Variants in PPM1L observed in about 807,000 individuals in gnomAD.
PPM1L encodes protein phosphatase, Mg2+/Mn2+ dependent 1L, also known as protein phosphatase 1L.
Under a neutral mutation model 31.4 loss-of-function variants are expected in PPM1L, and 13 were observed. The ratio of observed to expected loss-of-function variants is 0.41; its 90% CI spans 0.27 to 0.66. PPM1L has a LOEUF of 0.66. PPM1L is among the 30% of genes least tolerant of loss of function. The pLI, the probability that PPM1L is intolerant of heterozygous loss-of-function variation, is 0.29. For missense variants in PPM1L, 326 were observed against 453.7 expected (o/e 0.72, Z 2.56); for synonymous variants, 184 against 175.4 (o/e 1.05, Z -0.39).
intron 1 of PPM1L, among the ~76,000 whole-genome samples, chr3:160,897,042 C>CTTTTTTTTTTTT (rs11298068): frequency 9.3e-6 from 1 of 107,440 alleles, no homozygotes. Context: ...ACTACTGACT[C>CTTTTTTTTTTTT]TTTTTTTTTT....
intron 1 of PPM1L, among the ~76,000 whole-genome samples, chr3:160,927,466 T>C (rs1167470087): frequency 1.3e-5 from 2 of 152,220 alleles, no homozygotes; most frequent in Non-Finnish European, 2.9e-5. Flanking sequence ...CTTTACTTTA[T>C]AGCTGTGTCT....
chr3:160,822,674 G>T (rs78314031), intron 1 of PPM1L, among the ~76,000 whole-genome samples: 8,779 of 152,100 alleles, frequency 0.058, 279 homozygotes, highest in African/African-American at 0.075. Flanking sequence ...TTTCAATTCT[G>T]AAATATGGTC....
At chr3:160,920,498 T>C (rs1243619783) in intron 1 of PPM1L, among the ~76,000 whole-genome samples, 4 of 151,730 alleles carry the variant, frequency 2.6e-5, no homozygotes, top group African/African-American at 7.3e-5. Flanking sequence ...TTTTTAGGAG[T>C]GCGGTGTATG....
intron 2 of PPM1L, among the ~76,000 whole-genome samples, chr3:160,975,085 A>G (rs1203098383): frequency 2.0e-5 from 3 of 151,912 alleles, no homozygotes; most frequent in African/African-American, 7.2e-5. Flanking sequence ...TCAGCTTTCT[A>G]CGTATGGCTA....
chr3:160,839,486 T>G (rs1196456024), intron 1 of PPM1L, among the ~76,000 whole-genome samples: 3 of 152,158 alleles, frequency 2.0e-5, no homozygotes, highest in Admixed American at 2.0e-4. Context: ...TAAAACAAGG[T>G]CATCATTATT....
intron 1 of PPM1L, among the ~76,000 whole-genome samples, chr3:160,871,973 A>T (rs1444848751): frequency 6.6e-6 from 1 of 152,090 alleles, no homozygotes; most frequent in African/African-American, 2.4e-5. Context: ...TCCAGCAGTC[A>T]TTGAACACTA....
intron 2 of PPM1L, among the ~76,000 whole-genome samples, chr3:161,025,315 G>T (rs1718347262): frequency 6.6e-6 from 1 of 152,070 alleles, no homozygotes; most frequent in Non-Finnish European, 1.5e-5. Context: ...TATAATCCCA[G>T]CTACTCAGAG....
At chr3:160,838,860 T>C (rs1028717018) in intron 1 of PPM1L, among the ~76,000 whole-genome samples, 5 of 152,210 alleles carry the variant, frequency 3.3e-5, no homozygotes, top group African/African-American at 1.2e-4. Flanking sequence ...GGACTTATGC[T>C]ATGGCTTGAA....
intron 1 of PPM1L, among the ~76,000 whole-genome samples, chr3:160,942,137 G>A (rs1488260248): frequency 6.6e-6 from 1 of 152,202 alleles, no homozygotes; most frequent in African/African-American, 2.4e-5. Context: ...ACCAAAACAT[G>A]TAGAAGTTTA....
At chr3:160,818,419 C>G (rs1428106232) in intron 1 of PPM1L, among the ~76,000 whole-genome samples, 1 of 152,058 alleles carries the variant, frequency 6.6e-6, no homozygotes, top group African/African-American at 2.4e-5. Flanking sequence ...ACTGGAATGC[C>G]TTGGATCTGA....
intron 1 of PPM1L, among the ~76,000 whole-genome samples, chr3:160,774,377 CAG>C (rs1711509298): frequency 6.6e-6 from 1 of 152,212 alleles, no homozygotes; most frequent in African/African-American, 2.4e-5. Flanking sequence ...AGGATTGTGA[CAG>C]TGGCCTCCTC....
intron 2 of PPM1L, among the ~76,000 whole-genome samples, chr3:161,026,570 C>T (rs184176442): frequency 2.6e-5 from 4 of 152,132 alleles, no homozygotes; most frequent in Admixed American, 2.0e-4. Context: ...GTGGTGGGCG[C>T]CTGTAATCCC....
intron 1 of PPM1L, among the ~76,000 whole-genome samples, chr3:160,952,022 T>G (rs1244061919): frequency 6.6e-6 from 1 of 152,228 alleles, no homozygotes. Flanking sequence ...ATTTGCCTTC[T>G]TGAGGCAGAA....
At chr3:160,885,454 G>A (rs1024356976) in intron 1 of PPM1L, among the ~76,000 whole-genome samples, 3 of 152,188 alleles carry the variant, frequency 2.0e-5, no homozygotes, top group African/African-American at 7.2e-5. Flanking sequence ...ACAAACAGTG[G>A]TGATTGGAGA....
At chr3:160,822,901 CTAGT>C (rs1230841612) in intron 1 of PPM1L, among the ~76,000 whole-genome samples, 6 of 151,762 alleles carry the variant, frequency 4.0e-5, no homozygotes, top group African/African-American at 1.2e-4. Context: ...AAAGGAAGAG[CTAGT>C]TAAACGACCA....
At chr3:160,818,690 T>A (rs1713067604) in intron 1 of PPM1L, among the ~76,000 whole-genome samples, 2 of 152,024 alleles carry the variant, frequency 1.3e-5, no homozygotes, top group South Asian at 2.1e-4. Context: ...TTGTCATTTT[T>A]AATTTTATTC....
At chr3:160,954,009 G>T (rs1018083869) in intron 1 of PPM1L, among the ~76,000 whole-genome samples, 1 of 152,098 alleles carries the variant, frequency 6.6e-6, no homozygotes, top group Admixed American at 6.5e-5. Flanking sequence ...ACCACAGTAC[G>T]CATTGCCATC....
chr3:160,914,327 T>C (rs1263588550), intron 1 of PPM1L, among the ~76,000 whole-genome samples: 1 of 152,142 alleles, frequency 6.6e-6, no homozygotes, highest in Non-Finnish European at 1.5e-5. Flanking sequence ...TTAGGGTACA[T>C]GTGCACAACG....
At chr3:161,045,508 C>T (rs538992669) in intron 2 of PPM1L, among the ~76,000 whole-genome samples, 1 of 152,302 alleles carries the variant, frequency 6.6e-6, no homozygotes, top group Non-Finnish European at 1.5e-5. Context: ...GAACAACCTG[C>T]TCCTGAATGA....
Sources: gnomAD v4.1 joint callset for allele counts (sites outside exome capture counted in the v4.1 genomes callset) on GRCh38, gnomAD v4.1.1 for gene constraint, MANE v1.5 for transcripts, NCBI Gene and HGNC (gene_info 2026-07-23, HGNC 2026-07-21) for gene names.